Variants in RHOBTB1 observed in about 807,000 individuals in gnomAD.
RHOBTB1 encodes Rho related BTB domain containing 1.
RHOBTB1 carries 40 observed loss-of-function variants against 71.6 expected under a neutral mutation model. The observed-to-expected ratio is 0.56, with a 90% CI of 0.43 to 0.73. The LOEUF (loss-of-function observed/expected upper bound fraction) is 0.73, where lower values mean the gene tolerates loss of function less well. Among genes scored for constraint, RHOBTB1 ranks in the 30% least tolerant of loss-of-function variants. RHOBTB1 has a pLI of 0.00. For synonymous variants in RHOBTB1, 319 were observed against 334.9 expected (o/e 0.95, Z 0.52); for missense variants, 797 against 894.0 (o/e 0.89, Z 1.38).
chr10:60,968,990 A>T lies in RHOBTB1; in HGVS notation c.-62+16855T>A, dbSNP rs1281865638. 2.0e-5 allele frequency among the ~76,000 whole-genome samples: 3 copies of T among 152,130 alleles called. No homozygotes were observed. The South Asian group carries it at 6.2e-4, about 32-fold the overall frequency. ...GTTCTTGTTATTGTCAATATTTTTT[A>T]AAAATCAGGTATTTGAATAAATAGA... On this transcript the variant is annotated intron_variant, in intron 2 of 11. Transcript: ENST00000357917.
intron 4 of RHOBTB1, among the ~76,000 whole-genome samples, chr10:60,906,709 C>T (rs960814088): frequency 6.6e-6 from 1 of 152,164 alleles, no homozygotes; most frequent in Non-Finnish European, 1.5e-5. Flanking sequence ...CCTGATTAAA[C>T]TGTAGTTGTT....
At chr10:60,940,568 C>T (rs770803425) in intron 2 of RHOBTB1, among the ~76,000 whole-genome samples, 1 of 152,158 alleles carries the variant, frequency 6.6e-6, no homozygotes, top group Non-Finnish European at 1.5e-5. Flanking sequence ...TATGCTTTCT[C>T]AAAGATGCTG....
intron 2 of RHOBTB1, among the ~76,000 whole-genome samples, chr10:60,935,321 A>G (rs1221193601): frequency 6.6e-6 from 1 of 152,104 alleles, no homozygotes; most frequent in Non-Finnish European, 1.5e-5. Flanking sequence ...GGTTACATTG[A>G]TTGGGTAGTG....
Position 60,964,311 on chromosome 10 carries a change from T to G in RHOBTB1, c.-62+21534A>C, listed in dbSNP as rs531398284. 4.2e-4 allele frequency among the ~76,000 whole-genome samples: 64 copies of G among 152,136 alleles called. 1 individual carries two copies. The highest frequency in any genetic ancestry group is 1.4e-3 in the Admixed American group (21 of 15,270). On this transcript the variant is annotated intron_variant, in intron 2 of 11. Coordinates refer to the RHOBTB1 transcript ENST00000357917. ...TGGCGCCAGAGAGGATACAACTGAT[T>G]ATAAACGCTCTCCTGGGTTTTGGGC...
chr10:60,892,250 A>T (rs1191796213), intron 5 of RHOBTB1, among the ~76,000 whole-genome samples: 1 of 152,250 alleles, frequency 6.6e-6, no homozygotes, highest in Non-Finnish European at 1.5e-5. Flanking sequence ...TTAAAAATGT[A>T]ACCACTAGAG....
At chr10:60,969,117 T>A (rs1168313708) in intron 2 of RHOBTB1, among the ~76,000 whole-genome samples, 1 of 152,014 alleles carries the variant, frequency 6.6e-6, no homozygotes, top group African/African-American at 2.4e-5. Flanking sequence ...ACATTCCAAA[T>A]GAAAATAAAA....
chr10:60,946,006 C>T (rs969892025), upstream of RHOBTB1, among the ~76,000 whole-genome samples: 16 of 152,224 alleles, frequency 1.1e-4, no homozygotes, highest in South Asian at 4.1e-4. Flanking sequence ...GGTAAAACCC[C>T]GTCTCTATTA....
intron 4 of RHOBTB1, among the ~76,000 whole-genome samples, chr10:60,910,103 C>T (rs971980349): frequency 4.0e-5 from 6 of 151,596 alleles, no homozygotes; most frequent in East Asian, 3.9e-4. Context: ...ATGATATCTA[C>T]GTTCTACACT....
chr10:60,961,588 A>G (rs372848856), intron 2 of RHOBTB1, among the ~76,000 whole-genome samples: 1 of 152,074 alleles, frequency 6.6e-6, no homozygotes, highest in East Asian at 1.9e-4. Flanking sequence ...CCAGCTTAAC[A>G]ATTTTCAAAC....
intron 2 of RHOBTB1, among the ~76,000 whole-genome samples, chr10:60,938,362 C>T (rs1260975332): frequency 6.6e-6 from 1 of 152,144 alleles, no homozygotes; most frequent in African/African-American, 2.4e-5. Flanking sequence ...CTGGCTGGGA[C>T]TTGGAAGCCT....
intron 2 of RHOBTB1, among the ~76,000 whole-genome samples, chr10:60,981,736 A>C (rs2086502132): frequency 6.6e-6 from 1 of 152,222 alleles, no homozygotes; most frequent in Non-Finnish European, 1.5e-5. Flanking sequence ...ACTAACAGCA[A>C]AAGTTAAAAA....
the RHOBTB1 span, among the ~76,000 whole-genome samples, chr10:60,862,149 CTT>C: frequency 7.8e-3 from 1,093 of 140,656 alleles, 7 homozygotes; most frequent in Non-Finnish European, 8.9e-3. Context: ...CTCTCTCTTT[CTT>C]TTTCTTTCCT....
intron 2 of RHOBTB1, among the ~76,000 whole-genome samples, chr10:60,933,780 A>G (rs4643024): frequency 0.48 from 72,791 of 151,870 alleles, 18,142 homozygotes; most frequent in East Asian, 0.74. Flanking sequence ...AACACAGGAG[A>G]TGGATTAAAA....
chr10:60,888,130 T>G, intron 6 of RHOBTB1, 82 bp downstream of exon 6: 1 of 1,469,198 alleles, frequency 6.8e-7, no homozygotes, highest in Non-Finnish European at 9.2e-7. Context: ...GCTATCGTTC[T>G]TCTTTCTCCT....
intron 1 of RHOBTB1, among the ~76,000 whole-genome samples, chr10:60,987,197 G>A (rs1279524892): frequency 2.0e-5 from 3 of 152,126 alleles, no homozygotes; most frequent in Non-Finnish European, 4.4e-5. Context: ...TGACTTCCCT[G>A]AAACCTCAAT....
chr10:60,940,420 A>C (rs1166628054), intron 2 of RHOBTB1, among the ~76,000 whole-genome samples: 2 of 152,190 alleles, frequency 1.3e-5, no homozygotes, highest in African/African-American at 4.8e-5. Context: ...AACCTGAAAA[A>C]GTCTTGCTTA....
chr10:60,886,833 CCTGG>C (rs2081607125), intron 6 of RHOBTB1, among the ~76,000 whole-genome samples: 1 of 150,784 alleles, frequency 6.6e-6, no homozygotes, highest in Non-Finnish European at 1.5e-5. Context: ...AGCCACCATG[CCTGG>C]CTATATGTGT....
chr10:60,938,270 T>G (rs1380358511), intron 2 of RHOBTB1, among the ~76,000 whole-genome samples: 7 of 152,228 alleles, frequency 4.6e-5, no homozygotes, highest in Admixed American at 4.6e-4. Context: ...TATATCATAC[T>G]TGCTAGTTGT....
chr10:60,976,771 C>T (rs2086330304), intron 2 of RHOBTB1, among the ~76,000 whole-genome samples: 1 of 151,950 alleles, frequency 6.6e-6, no homozygotes, highest in African/African-American at 2.4e-5. Context: ...TTTAAATTCA[C>T]ATCAGAGCAC....
Sources: allele counts gnomAD v4.1 joint callset (sites outside exome capture counted in the v4.1 genomes callset), GRCh38; gene constraint gnomAD v4.1.1; transcripts MANE v1.5; gene names NCBI Gene and HGNC (gene_info 2026-07-23, HGNC 2026-07-21).